Variants in MAPK12 observed in about 807,000 individuals in gnomAD.
The protein encoded by MAPK12 is MAP kinase 12.
MAPK12 carries 49 observed loss-of-function variants against 49.1 expected under a neutral mutation model. The observed-to-expected ratio is 1.00, with a 90% CI of 0.79 to 1.27. MAPK12 has a LOEUF of 1.27. MAPK12 is among the 50% of genes most tolerant of loss of function. The pLI is 0.00. For synonymous variants in MAPK12, 251 were observed against 209.7 expected (o/e 1.20, Z -1.70); for missense variants, 554 against 502.4 (o/e 1.10, Z -0.98).
At chr22:50,255,770 C>T (rs751160165) in intron 8 of MAPK12, 40 bp downstream of exon 8, 1 of 1,610,894 alleles carries the variant, frequency 6.2e-7, no homozygotes, top group Admixed American at 1.7e-5. Flanking sequence ...CAGGAGCCAT[C>T]CCCACCCGCC....
In MAPK12 at chr22:50,261,647, GCGCTCC is replaced by G; in HGVS notation, c.-144_-139del. The G allele has an allele frequency of 1.1e-6, 1 of 933,104 alleles. No individual in the cohort carries two copies. The highest frequency in any genetic ancestry group is 1.8e-5 in the African/African-American group (1 of 55,784). The allele number at this position is 933,104 out of a possible 1,614,324, so 57.8% of individuals were successfully genotyped here. ...GCCCGCCCGCCCGCCGGCCGCTGGG[GCGCTCC>G]CGCTCCCGGCCCTTCCCTCAGGGAT... is the stretch of plus-strand genomic sequence containing the variant. On this transcript the variant is annotated 5_prime_UTR_variant, in exon 1 of 12. Transcript: ENST00000215659.
chr22:50,259,488 T>C (rs2065187204), intron 2 of MAPK12, among the ~76,000 whole-genome samples: 1 of 151,990 alleles, frequency 6.6e-6, no homozygotes, highest in African/African-American at 2.4e-5. Flanking sequence ...CCCAGGAAGA[T>C]GGGGTTCCAG....
intron 8 of MAPK12, 43 bp from the exon 9 acceptor site, chr22:50,255,737 G>A (rs757341538): frequency 5.3e-5 from 85 of 1,609,652 alleles, no homozygotes; most frequent in Admixed American, 8.3e-5. Context: ...CAGAGATCAG[G>A]GCCCCCACTG....
At chr22:50,259,764 A>G (rs1462828389) in intron 2 of MAPK12, among the ~76,000 whole-genome samples, 10 of 151,940 alleles carry the variant, frequency 6.6e-5, no homozygotes, top group Non-Finnish European at 1.3e-4. Flanking sequence ...CGCGCCTGTA[A>G]TCCCAGCTAC....
At position 50,253,144 on chromosome 22, in the gene MAPK12, T is replaced by C. The variant is rs1037291486; in HGVS notation, c.*257A>G. On this transcript the variant is annotated 3_prime_UTR_variant, in exon 12 of 12. Coordinates refer to ENST00000215659, the MANE Select transcript of MAPK12 (RefSeq NM_002969.6). The stretch of plus-strand genomic sequence containing the variant: ...GAGGTTTCTGAGAGCACCGGGCAAG[T>C]GGGCCACTGCTCCAGGGATCAGAGG... 47 of 525,256 alleles carry C rather than the reference T, an allele frequency of 8.9e-5. No individual in the cohort carries two copies. The Middle Eastern group carries it at 1.6e-3, about 18-fold the overall frequency. The allele number at this position is 525,256 out of a possible 1,614,324, so 32.5% of individuals were successfully genotyped here. A position where few individuals can be genotyped will look rare whatever the true frequency, so the allele number is the denominator to read the frequency against.
intron 6 of MAPK12, 74 bp from the exon 7 acceptor site, chr22:50,256,273 C>A: frequency 4.2e-6 from 5 of 1,182,094 alleles, no homozygotes; most frequent in Non-Finnish European, 6.1e-6. Flanking sequence ...GTCCAGGAGA[C>A]CCCGGGGGGT....
chr22:50,257,046 T>C (rs1013269697), intron 4 of MAPK12, 36 bp downstream of exon 4: 51 of 1,605,940 alleles, frequency 3.2e-5, no homozygotes, highest in Non-Finnish European at 4.3e-5. Context: ...CCCGAGGCCC[T>C]GCCTGCCTCC....
rs1390328860 is a variant in MAPK12 at position 50,253,497 on chromosome 22, G to A, written c.1025-17C>T. On this transcript the variant is annotated splice_polypyrimidine_tract_variant and intron_variant, in intron 11 of 11. Transcript: ENST00000215659. The stretch of plus-strand genomic sequence containing the variant: ...AAGTAACACCTGGCGGGGGTGGGGG[G>A]GCGGGCACAACAGAGAGGGGGGTCA... 6.3e-6 allele frequency: 3 copies of A among 476,076 alleles called. No homozygotes were observed. The highest frequency in any genetic ancestry group is 8.5e-6 in the Non-Finnish European group (2 of 235,534). The allele number at this position is 476,076 out of a possible 1,614,324, so 29.5% of individuals were successfully genotyped here.
chr22:50,259,249 G>T (rs763170208), intron 2 of MAPK12, among the ~76,000 whole-genome samples: 1 of 152,194 alleles, frequency 6.6e-6, no homozygotes. Flanking sequence ...CAGAGGGGGT[G>T]TCCAGGGGGC....
At position 50,253,369 on chromosome 22, in the gene MAPK12, G is replaced by T. The variant is rs1395449640; in HGVS notation, c.*32C>A. On this transcript the variant is annotated 3_prime_UTR_variant, in exon 12 of 12. Coordinates refer to ENST00000215659, the MANE Select transcript of MAPK12 (RefSeq NM_002969.6). Reference sequence around the variant, plus strand: ...CCCTCTCAGGTGGAAGGTGAAGGTGGTCCTCACTGCCACCCCGGAGCCCAG... The same window carrying T: ...CCCTCTCAGGTGGAAGGTGAAGGTGTTCCTCACTGCCACCCCGGAGCCCAG... 6.7e-7 allele frequency: 1 copy of T among 1,492,858 alleles called. No homozygotes were observed. Among genetic ancestry groups the T allele is most frequent in the Non-Finnish European group, 9.1e-7 (1 of 1,094,730 alleles). The allele number at this position is 1,492,858 out of a possible 1,614,324, so 92.5% of individuals were successfully genotyped here.
Position 50,253,025 on chromosome 22 carries a change from T to C in MAPK12, c.*376A>G, listed in dbSNP as rs756864268. Reference sequence around the variant, plus strand: ...CCCAGGAGAGGGGATGTCCCTGAGTTGGTGCCCTGCGCCCACCCTCTGTCC... The same window carrying C: ...CCCAGGAGAGGGGATGTCCCTGAGTCGGTGCCCTGCGCCCACCCTCTGTCC... On this transcript the variant is annotated 3_prime_UTR_variant, in exon 12 of 12. Coordinates refer to ENST00000215659, the MANE Select transcript of MAPK12 (RefSeq NM_002969.6). 61 of 326,484 alleles carry C rather than the reference T, an allele frequency of 1.9e-4. No individual in the cohort carries two copies. The highest frequency in any genetic ancestry group is 3.1e-4 in the Non-Finnish European group (52 of 168,986). 20.2% of individuals were successfully genotyped at this position (326,484 alleles called of 1,614,324 possible).
Position 50,261,473 on chromosome 22 carries a change from G to A in MAPK12, c.37C>T (p.Arg13Cys), listed in dbSNP as rs200538586. Reference sequence around the variant, plus strand: ...CAGGCCGTCTTGGTCACCTCCTGGCGGTAAAAGCCACTGCGGGCGGGCGGC... The same window carrying A: ...CAGGCCGTCTTGGTCACCTCCTGGCAGTAAAAGCCACTGCGGGCGGGCGGC... ...SPPPARSGFY[R>C]QEVTKTAWEV... Residue 13 changes from arginine to cysteine, a missense_variant, in exon 1 of 12, where the codon CGC becomes TGC. By Grantham distance (180) the Arg-to-Cys change is radical. Coordinates refer to ENST00000215659, the MANE Select transcript of MAPK12 (RefSeq NM_002969.6). 23 of 1,274,180 alleles carry A rather than the reference G, an allele frequency of 1.8e-5. No homozygotes were observed. Among genetic ancestry groups the A allele is most frequent in the Non-Finnish European group, 2.2e-5 (22 of 986,606 alleles). 78.9% of individuals were successfully genotyped at this position (1,274,180 alleles called of 1,614,324 possible).
intron 6 of MAPK12, 62 bp from the exon 7 acceptor site, chr22:50,256,261 C>CG (rs2065149539): frequency 1.5e-6 from 2 of 1,326,972 alleles, no homozygotes; most frequent in South Asian, 2.5e-5. Context: ...AGGCCACCCA[C>CG]GGTCCAGGAG....
rs2065169652 is a variant in MAPK12, at chr22:50,258,074, T to G, written c.314+169A>C. ...CCAGTGCCCGTGGGTCCCAGGACCATGTGGGGGAGGGCGTGGGGTGGACAG... is the reference window on the plus strand; with the variant it reads ...CCAGTGCCCGTGGGTCCCAGGACCAGGTGGGGGAGGGCGTGGGGTGGACAG... On this transcript the variant is annotated intron_variant, in intron 3 of 11. Coordinates refer to ENST00000215659, the MANE Select transcript of MAPK12 (RefSeq NM_002969.6). The G allele has an allele frequency of 1.1e-5, 8 of 722,418 alleles. No individual in the cohort carries two copies. The South Asian group carries it at 1.2e-4, about 11-fold the overall frequency. The allele number at this position is 722,418 out of a possible 1,614,324, so 44.8% of individuals were successfully genotyped here.
intron 3 of MAPK12, chr22:50,257,784 CCTTCACTCTTGGCCGA>C: frequency 2.8e-6 from 2 of 707,550 alleles, no homozygotes; most frequent in South Asian, 3.0e-5. Context: ...TCGGCCTGGC[CCTTCACTCTTGGCCGA>C]CAGGGTGTGA....
At chr22:50,258,115 G>T in intron 3 of MAPK12, 128 bp downstream of exon 3, 1 of 855,782 alleles carries the variant, frequency 1.2e-6, no homozygotes, top group Non-Finnish European at 2.0e-6. Flanking sequence ...TGGGGAGGGG[G>T]TGGGCGGTGT....
intron 9 of MAPK12, 40 bp downstream of exon 9, chr22:50,255,575 T>TGCG: frequency 6.2e-7 from 1 of 1,611,504 alleles, no homozygotes; most frequent in Non-Finnish European, 8.5e-7. Flanking sequence ...AAGGCCCAGG[T>TGCG]CCGCCCCCAC....
At chr22:50,255,916 G>C (rs747166930) in intron 7 of MAPK12, 35 bp from the exon 8 acceptor site, 3 of 1,601,032 alleles carry the variant, frequency 1.9e-6, no homozygotes, top group Non-Finnish European at 2.6e-6. Flanking sequence ...CCGTGGGCAG[G>C]GGGACAGGAT....
chr22:50,257,339 C>T, intron 3 of MAPK12, 146 bp from the exon 4 acceptor site: 1 of 640,512 alleles, frequency 1.6e-6, no homozygotes, highest in Non-Finnish European at 2.8e-6. Flanking sequence ...CCACACTGGC[C>T]TCGGTGTCCT....
Sources: gnomAD v4.1 joint callset for allele counts (sites outside exome capture counted in the v4.1 genomes callset) on GRCh38, gnomAD v4.1.1 for gene constraint, MANE v1.5 for transcripts, NCBI Gene and HGNC (gene_info 2026-07-23, HGNC 2026-07-21) for gene names.